The following TMEM176B variants were observed in gnomAD, a reference collection of about 807,000 sequenced individuals.
The protein encoded by TMEM176B is LR8-like protein.
Under a neutral mutation model 30.3 loss-of-function variants are expected in TMEM176B, and 28 were observed. That is an observed-to-expected ratio of 0.92 (90% CI 0.68 to 1.27). The LOEUF (loss-of-function observed/expected upper bound fraction) is 1.27. Among genes scored for constraint, TMEM176B ranks in the 50% most tolerant of loss-of-function variants. TMEM176B has a pLI of 0.00. For synonymous variants in TMEM176B, 123 were observed against 130.3 expected, an observed-to-expected ratio of 0.94 and a Z score of 0.38; for missense variants, 349 against 327.4, an observed-to-expected ratio of 1.07 and a Z score of -0.51.
At chr7:150,792,305 TC>T in intron 5 of TMEM176B, 130 bp from the exon 6 acceptor site, 1 of 1,242,152 alleles carries the variant, frequency 8.1e-7, no homozygotes, top group Non-Finnish European at 1.1e-6. Context: ...TGACTGTGTT[TC>T]CAGCCACAGC....
At chr7:150,800,872 G>A, upstream of TMEM176B, 3 of 980,824 alleles carry the variant, frequency 3.1e-6, no homozygotes, top group South Asian at 4.7e-5. Flanking sequence ...GCCTCCTTCC[G>A]CACGCACCCC....
intron 5 of TMEM176B, among the ~76,000 whole-genome samples, chr7:150,792,483 A>C (rs1412568969): frequency 6.6e-6 from 1 of 152,184 alleles, no homozygotes; most frequent in Non-Finnish European, 1.5e-5. Context: ...GGCAGCTTCT[A>C]CTTTCTGTCT....
In TMEM176B at chr7:150,791,338, G is replaced by A. The variant is rs1798293680; in HGVS notation, c.*193C>T. On this transcript the variant is annotated 3_prime_UTR_variant, in exon 7 of 7. Coordinates refer to ENST00000326442, the MANE Select transcript of TMEM176B (RefSeq NM_001101312.2). ...TTGTTTATTATGTTTAATCAGCATTGTGGAAAATGCAACAATATCTGTTCA... is the reference window on the plus strand; with the variant it reads ...TTGTTTATTATGTTTAATCAGCATTATGGAAAATGCAACAATATCTGTTCA... The A allele has an allele frequency of 1.9e-6, 1 of 528,036 alleles. No individual in the cohort carries two copies. Among genetic ancestry groups the A allele is most frequent in the Non-Finnish European group, 3.4e-6 (1 of 296,650 alleles). 32.7% of individuals were successfully genotyped at this position (528,036 alleles called of 1,614,324 possible). A position where few individuals can be genotyped will look rare whatever the true frequency, so the allele number is the denominator to read the frequency against.
At chr7:150,799,726 C>G (rs1379288137) in intron 1 of TMEM176B, among the ~76,000 whole-genome samples, 2 of 152,208 alleles carry the variant, frequency 1.3e-5, no homozygotes, top group Non-Finnish European at 2.9e-5. Context: ...CCTTGACGGC[C>G]CAGGCCTCGC....
At chr7:150,800,379 G>T (rs1018422612), upstream of TMEM176B, 3 of 152,252 alleles carry the variant, frequency 2.0e-5, no homozygotes, top group Non-Finnish European at 2.9e-5. Flanking sequence ...GGGCGGAGAC[G>T]GCAGATGCAC....
At chr7:150,799,330 T>C (rs1406844640) in intron 1 of TMEM176B, among the ~76,000 whole-genome samples, 1 of 152,254 alleles carries the variant, frequency 6.6e-6, no homozygotes, top group Non-Finnish European at 1.5e-5. Flanking sequence ...CTAGGCATCA[T>C]TACCACAATT....
chr7:150,792,485 T>C (rs1033113703), intron 5 of TMEM176B, among the ~76,000 whole-genome samples: 1 of 152,212 alleles, frequency 6.6e-6, no homozygotes. Context: ...CAGCTTCTAC[T>C]TTCTGTCTCC....
At position 150,793,295 on chromosome 7, in the gene TMEM176B, G is replaced by A. The variant is rs1284780524; in HGVS notation, c.393C>T (p.Leu131=). ...TAGCTGTAGCAAAGCCTGCCAGGGT[G>A]AGCAGGCTGGATATATAGCCCTGGA... ...GKLAGYISSL[L]TLAGFATAMA... is the part of the protein sequence containing the mutation. The change falls in exon 5 of 7, where the codon CTC becomes CTT. Residue 131 remains leucine, a synonymous_variant. Coordinates refer to ENST00000326442, the MANE Select transcript of TMEM176B (RefSeq NM_001101312.2). 4 of 1,614,092 alleles carry A rather than the reference G, an allele frequency of 2.5e-6. No individual in the cohort carries two copies. The highest frequency in any genetic ancestry group is 2.2e-5 in the South Asian group (2 of 91,040).
chr7:150,793,237 T>A lies in TMEM176B; in HGVS notation c.451A>T (p.Ile151Phe). Residue 151 changes from isoleucine to phenylalanine, a missense_variant, in exon 5 of 7, where the codon ATC becomes TTC. Ile to Phe is a conservative substitution (Grantham distance 21). Transcript: ENST00000326442. ...AAVVLCVNSF[I>F]WQTEPFLYID... is the part of the protein sequence containing the mutation. ...TATAAAAAGGGTTCAGTTTGCCAGA[T>A]GAAGCTATTCACGCAGAGGACAACA... 1 of 1,614,178 alleles carries A rather than the reference T, an allele frequency of 6.2e-7. No homozygotes were observed. The highest frequency in any genetic ancestry group is 8.5e-7 in the Non-Finnish European group (1 of 1,180,042).
At chr7:150,800,057 GCA>G (rs1798709476) in intron 1 of TMEM176B, 1 of 152,356 alleles carries the variant, frequency 6.6e-6, no homozygotes, top group Non-Finnish European at 1.5e-5. Context: ...CGTGCAGGCG[GCA>G]GAAGGTGGAC....
At chr7:150,793,849 T>C (rs1213020338) in intron 3 of TMEM176B, 112 bp downstream of exon 3, 3 of 1,031,486 alleles carry the variant, frequency 2.9e-6, no homozygotes, top group East Asian at 2.4e-5. Flanking sequence ...CAAAGGCCAT[T>C]TGGCTCCAGA....
intron 5 of TMEM176B, among the ~76,000 whole-genome samples, chr7:150,792,650 C>T (rs545508535): frequency 7.2e-5 from 11 of 152,290 alleles, no homozygotes; most frequent in Admixed American, 6.5e-4. Flanking sequence ...CCAGCCTCGG[C>T]GAGCACTTGG....
chr7:150,792,554 C>G (rs1370570830), intron 5 of TMEM176B, among the ~76,000 whole-genome samples: 2 of 152,158 alleles, frequency 1.3e-5, no homozygotes, highest in African/African-American at 4.8e-5. Flanking sequence ...CTATGAGAAG[C>G]CCAAGCCAAG....
chr7:150,800,419 C>G (rs1339823549), upstream of TMEM176B: 1 of 150,774 alleles, frequency 6.6e-6, no homozygotes, highest in African/African-American at 2.5e-5. Context: ...GCCCAGGCTG[C>G]GCGGTTTCCC....
Position 150,792,096 on chromosome 7 carries a change from A to G in TMEM176B, c.680T>C (p.Val227Ala). 1 of 1,613,870 alleles carries G rather than the reference A, an allele frequency of 6.2e-7. No individual in the cohort carries two copies. ...CTGGCCACACAAGTTTCGAAGACCT[A>G]CTCCCAAGGAAACCAAGGACACAAT... ...KVIVSLVSLGVGLRNLCGQSS... is the reference protein window; with the variant it reads ...KVIVSLVSLGAGLRNLCGQSS... The change falls in exon 6 of 7, where the codon GTA (valine) becomes GCA (alanine). Residue 227 changes from valine to alanine, a missense_variant. Coordinates refer to ENST00000326442, the MANE Select transcript of TMEM176B (RefSeq NM_001101312.2).
chr7:150,793,524 A>G lies in TMEM176B; in HGVS notation c.372+20T>C, dbSNP rs925113872. On this transcript the variant is annotated intron_variant, in intron 4 of 6. Transcript: ENST00000326442. ...GAGGGGGTCAGTGAACAAGGTGGAG[A>G]GAGGGTGTCCAAGACTCACAGCAAG... 1.2e-6 allele frequency: 2 copies of G among 1,612,412 alleles called. No individual in the cohort carries two copies. The highest frequency in any genetic ancestry group is 1.7e-6 in the Non-Finnish European group (2 of 1,179,242).
intron 2 of TMEM176B, among the ~76,000 whole-genome samples, chr7:150,795,334 A>G (rs1798483923): frequency 6.6e-6 from 1 of 152,196 alleles, no homozygotes; most frequent in African/African-American, 2.4e-5. Context: ...CCATTATAGA[A>G]CTTGCCCTAT....
chr7:150,800,859 C>CT (rs1554406787), upstream of TMEM176B: 9 of 963,456 alleles, frequency 9.3e-6, no homozygotes, highest in Non-Finnish European at 1.1e-5. Flanking sequence ...CGGCGGCCCC[C>CT]GGGCCTCCTT....
In TMEM176B at chr7:150,792,329, G is replaced by A. The variant is rs530107521; in HGVS notation, c.601-154C>T. 8.7e-4 allele frequency among the ~76,000 whole-genome samples: 132 copies of A among 152,272 alleles called. 1 individual carries two copies. The highest frequency in any genetic ancestry group is 2.9e-3 in the African/African-American group (119 of 41,542). On this transcript the variant is annotated intron_variant, in intron 5 of 6. Coordinates refer to ENST00000326442, the MANE Select transcript of TMEM176B (RefSeq NM_001101312.2). ...TTCCAGCCACAGCTTCCATCCCGTT[G>A]GCTTGTCTGCAGAGTGAACTTATCA...
Sources: gnomAD v4.1 joint callset for allele counts (sites outside exome capture counted in the v4.1 genomes callset) on GRCh38, gnomAD v4.1.1 for gene constraint, MANE v1.5 for transcripts, NCBI Gene and HGNC (gene_info 2026-07-23, HGNC 2026-07-21) for gene names.